Variants in INPP4A observed in about 807,000 individuals in gnomAD.
INPP4A encodes the protein inositol polyphosphate-4-phosphatase, type I, 107kD.
INPP4A carries 33 observed loss-of-function variants against 119.8 expected under a neutral mutation model. That is an observed-to-expected ratio of 0.28 (90% confidence interval 0.21 to 0.37). The LOEUF is 0.37. Ranked by LOEUF, INPP4A falls within the 10% of genes least tolerant of loss-of-function variation. The pLI is 1.00. For synonymous variants in INPP4A, 496 were observed against 500.7 expected (o/e 0.99, Z 0.12); for missense variants, 956 against 1,289.9 (o/e 0.74, Z 3.97).
At chr2:98,509,696 G>T (rs570819057) in intron 1 of INPP4A, among the ~76,000 whole-genome samples, 81 of 152,284 alleles carry the variant, frequency 5.3e-4, no homozygotes, top group African/African-American at 1.9e-3. Flanking sequence ...CAGACATTGC[G>T]CTTGTGATTA....
In INPP4A at chr2:98,587,326, A is replaced by T. The variant is rs1477701939; in HGVS notation, c.2787-150A>T. Reference sequence around the variant, plus strand: ...CTTGTTCAGAAACCTGCCATCTTACATATGTATTTGTTGTAAATGAGTCCG... The same window carrying T: ...CTTGTTCAGAAACCTGCCATCTTACTTATGTATTTGTTGTAAATGAGTCCG... On this transcript the variant is annotated intron_variant, in intron 24 of 24. Transcript: ENST00000409851. 4 of 754,802 alleles carry T rather than the reference A, an allele frequency of 5.3e-6. No homozygotes were observed. In the African/African-American group the frequency reaches 7.3e-5, roughly 14 times the overall value. The allele number at this position is 754,802 out of a possible 1,614,324, so 46.8% of individuals were successfully genotyped here.
At chr2:98,457,978 A>AT (rs766066774) in intron 1 of INPP4A, among the ~76,000 whole-genome samples, 3,556 of 137,064 alleles carry the variant, frequency 0.026, 117 homozygotes, top group East Asian at 0.15. Context: ...TTAAACAAAA[A>AT]TTTTTTTTTT....
rs200386856 is a variant in INPP4A at position 98,538,926 on chromosome 2, G to A, written c.615G>A (p.Ala205=). The stretch of plus-strand genomic sequence containing the variant: ...CTGTCGATGAGAGCTTGACGGAGGC[G>A]TTAGGAATCCGATCCAAATACGCTT... ...VLPVDESLTE[A]LGIRSKYASL... Residue 205 remains alanine, a synonymous_variant, in exon 9 of 25, where the codon GCG becomes GCA. Transcript: ENST00000409851. The A allele has an allele frequency of 2.7e-4, 432 of 1,611,518 alleles. No individual in the cohort carries two copies. Among genetic ancestry groups the A allele is most frequent in the Non-Finnish European group, 3.3e-4 (391 of 1,178,180 alleles).
chr2:98,545,195 A>G (rs1402515615), intron 11 of INPP4A, among the ~76,000 whole-genome samples: 1 of 152,158 alleles, frequency 6.6e-6, no homozygotes, highest in Non-Finnish European at 1.5e-5. Context: ...TGTGATTCAT[A>G]TGCTGGCAGT....
At chr2:98,485,518 G>T (rs867787513) in intron 1 of INPP4A, among the ~76,000 whole-genome samples, 31 of 152,180 alleles carry the variant, frequency 2.0e-4, no homozygotes, top group African/African-American at 4.3e-4. Context: ...GCCACAGTCA[G>T]ATTTCTTGAA....
At chr2:98,464,370 C>T (rs564453976) in intron 1 of INPP4A, among the ~76,000 whole-genome samples, 9 of 152,170 alleles carry the variant, frequency 5.9e-5, no homozygotes, top group East Asian at 5.8e-4. Flanking sequence ...TGGTGGGTTT[C>T]GACACTTGGG....
intron 23 of INPP4A, 21 bp from the exon 24 acceptor site, chr2:98,576,955 CGCCTCTAAGCACG>C: frequency 6.3e-7 from 1 of 1,592,752 alleles, no homozygotes; most frequent in Non-Finnish European, 8.6e-7. Context: ...TGTGGAGCCT[CGCCTCTAAGCACG>C]GCCCATGTTT....
At chr2:98,468,039 C>A (rs57018206) in intron 1 of INPP4A, among the ~76,000 whole-genome samples, 16 of 152,132 alleles carry the variant, frequency 1.1e-4, no homozygotes, top group Non-Finnish European at 2.1e-4. Flanking sequence ...TCGAGTTCCA[C>A]AACTAAGTTT....
intron 17 of INPP4A, 98 bp from the exon 18 acceptor site, chr2:98,563,367 G>A: frequency 1.8e-6 from 2 of 1,083,132 alleles, no homozygotes; most frequent in Non-Finnish European, 2.7e-6. Context: ...GGAGTGGGAG[G>A]ACTGCAGTGG....
intron 16 of INPP4A, 120 bp from the exon 17 acceptor site, chr2:98,559,343 T>C: frequency 8.9e-7 from 1 of 1,124,892 alleles, no homozygotes; most frequent in Non-Finnish European, 1.3e-6. Context: ...AGACCTCTTT[T>C]CTGTTTGTTA....
At chr2:98,494,747 A>C (rs1681588085) in intron 1 of INPP4A, among the ~76,000 whole-genome samples, 1 of 152,210 alleles carries the variant, frequency 6.6e-6, no homozygotes. Flanking sequence ...ACAAACCTCA[A>C]ACTCTGACAT....
intron 23 of INPP4A, among the ~76,000 whole-genome samples, chr2:98,575,015 T>TG (rs1368034341): frequency 2.0e-5 from 3 of 152,176 alleles, no homozygotes; most frequent in Admixed American, 2.0e-4. Context: ...AGGCATCCCC[T>TG]GGGGATAAGG....
At chr2:98,497,022 T>C (rs1486868365) in intron 1 of INPP4A, among the ~76,000 whole-genome samples, 1 of 152,066 alleles carries the variant, frequency 6.6e-6, no homozygotes, top group Non-Finnish European at 1.5e-5. Flanking sequence ...AGGTCAGATA[T>C]GGGGAGGAAA....
intron 13 of INPP4A, chr2:98,549,062 T>C (rs1461285400): frequency 2.6e-6 from 3 of 1,149,942 alleles, no homozygotes; most frequent in Non-Finnish European, 3.8e-6. Context: ...CCTGTGGGCT[T>C]CCCCTGCGGT....
intron 1 of INPP4A, among the ~76,000 whole-genome samples, chr2:98,448,966 G>GT (rs1341042241): frequency 2.6e-5 from 4 of 152,162 alleles, no homozygotes; most frequent in Non-Finnish European, 5.9e-5. Context: ...GCCGACCACA[G>GT]TGCTGAGTTT....
At chr2:98,507,158 G>A (rs1438281676) in intron 1 of INPP4A, among the ~76,000 whole-genome samples, 1 of 152,202 alleles carries the variant, frequency 6.6e-6, no homozygotes, top group East Asian at 1.9e-4. Context: ...CCTCAGGCTG[G>A]GTGACGGTAG....
At chr2:98,458,324 A>G (rs1191264890) in intron 1 of INPP4A, among the ~76,000 whole-genome samples, 9 of 151,984 alleles carry the variant, frequency 5.9e-5, no homozygotes, top group Admixed American at 3.3e-4. Flanking sequence ...AGTCTTGGTG[A>G]CAGGGGCTTG....
At chr2:98,578,709 C>G (rs570954815) in intron 24 of INPP4A, among the ~76,000 whole-genome samples, 2 of 152,222 alleles carry the variant, frequency 1.3e-5, no homozygotes, top group Non-Finnish European at 2.9e-5. Context: ...GTATAGTGCA[C>G]AAAGCACTTT....
chr2:98,511,706 AACTTCATTT>A (rs1180501119), intron 1 of INPP4A, among the ~76,000 whole-genome samples: 1 of 152,148 alleles, frequency 6.6e-6, no homozygotes, highest in East Asian at 1.9e-4. Context: ...CAGTAGTCGT[AACTTCATTT>A]GACAGGCGAG....
Sources: allele counts gnomAD v4.1 joint callset (sites outside exome capture counted in the v4.1 genomes callset), GRCh38; gene constraint gnomAD v4.1.1; transcripts MANE v1.5; gene names NCBI Gene and HGNC (gene_info 2026-07-23, HGNC 2026-07-21).